The following NRXN3 variants were observed in gnomAD, a reference collection of about 807,000 sequenced individuals.
NRXN3 encodes the protein neurexin 3, also known as neurexin III.
A neutral mutation model predicts 137.6 loss-of-function variants in NRXN3; 32 were observed. That is an observed-to-expected ratio of 0.23 (90% CI 0.18 to 0.31). The LOEUF is 0.31. NRXN3 is among the 10% of genes least tolerant of loss of function. The probability of loss-of-function intolerance (pLI) is 1.00; values close to 1 mark genes in which losing one functional copy is unlikely to be tolerated. For synonymous variants in NRXN3, 798 were observed against 784.5 expected (o/e 1.02, Z -0.29); for missense variants, 1,574 against 2,062.5 (o/e 0.76, Z 4.59).
At chr14:79,161,038 A>G (rs1347521794) in intron 15 of NRXN3, among the ~76,000 whole-genome samples, 1 of 151,996 alleles carries the variant, frequency 6.6e-6, no homozygotes, top group Admixed American at 6.6e-5. Context: ...TAAGGGGATT[A>G]TCATAGCATT....
At chr14:78,876,862 T>C (rs2099115132) in intron 10 of NRXN3, among the ~76,000 whole-genome samples, 2 of 152,190 alleles carry the variant, frequency 1.3e-5, no homozygotes, top group South Asian at 2.1e-4. Flanking sequence ...TCAATAAATG[T>C]TAGCTATTAT....
intron 1 of NRXN3, among the ~76,000 whole-genome samples, chr14:78,205,813 G>C (rs1352067693): frequency 6.6e-6 from 1 of 152,290 alleles, no homozygotes; most frequent in Non-Finnish European, 1.5e-5. Flanking sequence ...TTGTGTGCTC[G>C]AACTGAAATT....
At chr14:79,482,068 G>C (rs573018058) in intron 16 of NRXN3, among the ~76,000 whole-genome samples, 2 of 152,290 alleles carry the variant, frequency 1.3e-5, no homozygotes, top group Non-Finnish European at 2.9e-5. Flanking sequence ...GTGACCTCCG[G>C]AATAATGGTT....
intron 15 of NRXN3, among the ~76,000 whole-genome samples, chr14:79,123,985 C>G (rs1161356414): frequency 6.6e-6 from 1 of 152,072 alleles, no homozygotes; most frequent in Non-Finnish European, 1.5e-5. Flanking sequence ...ATGGCTGTAT[C>G]CCTCCCCACT....
intron 4 of NRXN3, among the ~76,000 whole-genome samples, chr14:78,463,364 G>GTGAA (rs1043883295): frequency 1.3e-5 from 2 of 151,588 alleles, no homozygotes; most frequent in Non-Finnish European, 2.9e-5. Flanking sequence ...AAACATATGA[G>GTGAA]TGCCAGTGTC....
At chr14:78,698,709 G>T (rs141657299) in intron 6 of NRXN3, among the ~76,000 whole-genome samples, 1 of 152,084 alleles carries the variant, frequency 6.6e-6, no homozygotes, top group African/African-American at 2.4e-5. Flanking sequence ...GTTCTGCTGA[G>T]ACATATACAC....
At chr14:79,779,462 C>G (rs2140056667) in intron 19 of NRXN3, among the ~76,000 whole-genome samples, 1 of 152,186 alleles carries the variant, frequency 6.6e-6, no homozygotes, top group South Asian at 2.1e-4. Context: ...TAAATTCATC[C>G]TTATTTCTGT....
chr14:78,400,687 T>C (rs543983281), intron 4 of NRXN3, among the ~76,000 whole-genome samples: 1 of 152,320 alleles, frequency 6.6e-6, no homozygotes, highest in African/African-American at 2.4e-5. Flanking sequence ...GGACTTAGTA[T>C]GTAATTGATG....
At chr14:79,486,290 A>C (rs1395431410) in intron 16 of NRXN3, among the ~76,000 whole-genome samples, 1 of 152,310 alleles carries the variant, frequency 6.6e-6, no homozygotes, top group Middle Eastern at 3.4e-3. Context: ...ACATACTAGA[A>C]AAAAATTAAC....
intron 10 of NRXN3, among the ~76,000 whole-genome samples, chr14:78,847,375 G>T (rs917302560): frequency 1.3e-4 from 20 of 152,120 alleles, no homozygotes; most frequent in Non-Finnish European, 2.5e-4. Context: ...GACTCAAATT[G>T]CATCTTGCCC....
At chr14:79,225,630 C>T (rs2070718715) in intron 15 of NRXN3, among the ~76,000 whole-genome samples, 1 of 151,906 alleles carries the variant, frequency 6.6e-6, no homozygotes, top group Non-Finnish European at 1.5e-5. Context: ...CACTTTTTAC[C>T]CCCTGAAAGA....
chr14:79,428,016 T>G (rs1491002538), intron 15 of NRXN3, among the ~76,000 whole-genome samples: 3 of 151,930 alleles, frequency 2.0e-5, no homozygotes, highest in African/African-American at 7.3e-5. Context: ...TGTGTTTCGA[T>G]CTGTGTGTGT....
At chr14:79,156,553 T>A (rs1174591524) in intron 15 of NRXN3, among the ~76,000 whole-genome samples, 1 of 41,754 alleles carries the variant, frequency 2.4e-5, no homozygotes, top group Non-Finnish European at 7.9e-5. Flanking sequence ...CCATTCTGGA[T>A]TTTTTTTTCA....
rs77469500 is a variant in NRXN3, at chr14:78,952,950, C to T, written c.2276-4292C>T. Among the ~76,000 whole-genome samples, 527 of 152,236 alleles carry T rather than the reference C, an allele frequency of 3.5e-3. 9 individuals carry two copies. Among genetic ancestry groups the T allele is most frequent in the East Asian group, 0.023 (120 of 5,184 alleles). ...ATATGGAAGGAATTTCTACCCCCTGCGTATGAGCAAACCCATCTGGTTTAG... is the reference window on the plus strand; with the variant it reads ...ATATGGAAGGAATTTCTACCCCCTGTGTATGAGCAAACCCATCTGGTTTAG... On this transcript the variant is annotated intron_variant, in intron 10 of 20. Transcript: ENST00000335750.
chr14:78,450,628 G>A (rs2094529576), intron 4 of NRXN3, among the ~76,000 whole-genome samples: 2 of 152,206 alleles, frequency 1.3e-5, no homozygotes, highest in South Asian at 4.1e-4. Context: ...AGCTCTGGGA[G>A]GCTGGGGCAT....
At chr14:79,814,797 G>C (rs1344147065) in intron 20 of NRXN3, among the ~76,000 whole-genome samples, 1 of 152,096 alleles carries the variant, frequency 6.6e-6, no homozygotes, top group Non-Finnish European at 1.5e-5. Context: ...TCCTGAATTG[G>C]GGAGGAACTT....
chr14:79,513,026 G>A (rs1347277871), intron 16 of NRXN3, among the ~76,000 whole-genome samples: 1 of 152,202 alleles, frequency 6.6e-6, no homozygotes, highest in Non-Finnish European at 1.5e-5. Flanking sequence ...AACATGGAAT[G>A]ATGCCAAAAT....
intron 15 of NRXN3, among the ~76,000 whole-genome samples, chr14:79,405,730 G>A (rs2095297617): frequency 6.6e-6 from 1 of 152,118 alleles, no homozygotes; most frequent in Admixed American, 6.6e-5. Flanking sequence ...TCAACAGCCT[G>A]CCCCTAAGTG....
rs534972090 is a variant in NRXN3, at chr14:79,460,404, A to G, written c.3263-6817A>G. ...TGGTAGACTTTTTTTTATTCATGGA[A>G]AACATTTAGTGAATGGGTAGAATGT... is the stretch of plus-strand genomic sequence containing the variant. On this transcript the variant is annotated intron_variant, in intron 15 of 20. Coordinates refer to ENST00000335750, the MANE Select transcript of NRXN3 (RefSeq NM_001330195.2). Among the ~76,000 whole-genome samples, 16 of 152,254 alleles carry G rather than the reference A, an allele frequency of 1.1e-4. 1 individual carries two copies. In the South Asian group the frequency reaches 2.9e-3, roughly 28 times the overall value.
Sources: allele counts gnomAD v4.1 joint callset (sites outside exome capture counted in the v4.1 genomes callset), GRCh38; gene constraint gnomAD v4.1.1; transcripts MANE v1.5; gene names NCBI Gene and HGNC (gene_info 2026-07-23, HGNC 2026-07-21).